Variants in ALS2 observed in about 807,000 individuals in gnomAD.
ALS2 encodes alsin.
ALS2 carries 117 observed loss-of-function variants against 203.4 expected under a neutral mutation model. The observed-to-expected ratio is 0.58, with a 90% CI of 0.50 to 0.67. The LOEUF (loss-of-function observed/expected upper bound fraction) is 0.67. ALS2 is among the 30% of genes least tolerant of loss of function. The pLI is 0.00. For synonymous variants in ALS2, 718 were observed against 725.9 expected (o/e 0.99, Z 0.17); for missense variants, 1,715 against 1,989.4 (o/e 0.86, Z 2.62).
At position 201,746,687 on chromosome 2, in the gene ALS2, A is replaced by C. The variant is rs1366748450; in HGVS notation, c.1877T>G (p.Val626Gly). 1.2e-6 allele frequency: 2 copies of C among 1,613,974 alleles called. No homozygotes were observed. Among genetic ancestry groups the C allele is most frequent in the African/African-American group, 2.7e-5 (2 of 74,900 alleles). Residue 626 changes from valine (V) to glycine (G), a missense_variant, in exon 9 of 34, where the codon GTG (valine) becomes GGG (glycine). Transcript: ENST00000264276. The part of the protein sequence containing the change: ...AAGRDYSLFL[V>G]DTEDFQPGLY... ...CCCAGGCTGGAAGTCTTCTGTATCC[A>C]CTAAAAACAGGGAATAATCCCTGCC...
intron 33 of ALS2, among the ~76,000 whole-genome samples, chr2:201,702,584 A>C (rs1037415412): frequency 6.6e-6 from 1 of 152,212 alleles, no homozygotes; most frequent in Non-Finnish European, 1.5e-5. Flanking sequence ...TAACCCCATC[A>C]GTAATTTTAA....
intron 3 of ALS2, among the ~76,000 whole-genome samples, chr2:201,764,683 A>AAATG (rs966398467): frequency 8.1e-4 from 121 of 148,678 alleles, no homozygotes; most frequent in African/African-American, 3.0e-3. Context: ...ATAAATAAAT[A>AAATG]AAAGTGAATC....
chr2:201,701,255 C>T lies in ALS2; in HGVS notation c.*596G>A, dbSNP rs1481306608. On this transcript the variant is annotated 3_prime_UTR_variant, in exon 34 of 34. Coordinates refer to ENST00000264276, the MANE Select transcript of ALS2 (RefSeq NM_020919.4). ...GGGGACAGAATGTGGTAGTTTTGCA[C>T]AGAACCTCTCCCATCAAGAAACAGC... is the stretch of plus-strand genomic sequence containing the variant. 1 of 152,876 alleles carries T rather than the reference C, an allele frequency of 6.5e-6. No homozygotes were observed. Among genetic ancestry groups the T allele is most frequent in the African/African-American group, 2.4e-5 (1 of 41,454 alleles). The allele number at this position is 152,876 out of a possible 1,614,324, so 9.5% of individuals were successfully genotyped here.
chr2:201,773,720 C>T (rs1207690732), intron 1 of ALS2, among the ~76,000 whole-genome samples: 2 of 152,138 alleles, frequency 1.3e-5, no homozygotes, highest in African/African-American at 4.8e-5. Context: ...TAGATAATGT[C>T]ATTGGGTATA....
At chr2:201,742,033 T>C (rs2106045245) in intron 10 of ALS2, among the ~76,000 whole-genome samples, 179 bp from the exon 11 acceptor site, 1 of 152,300 alleles carries the variant, frequency 6.6e-6, no homozygotes, top group Non-Finnish European at 1.5e-5. Context: ...ATCCAGTCCT[T>C]TGAGGAACTT....
Position 201,707,912 on chromosome 2 carries a change from A to C in ALS2, c.4360T>G (p.Cys1454Gly). Residue 1454 changes from cysteine to glycine, a missense_variant, in exon 28 of 34, where the codon TGC (cysteine) becomes GGC (glycine). Cys to Gly is a radical substitution (Grantham distance 159). Coordinates refer to ENST00000264276, the MANE Select transcript of ALS2 (RefSeq NM_020919.4). ...GATCGGGAATCTGACTTCCCAGTGC[A>C]AAAAGACTTCCTTTCGGTTGGCAGA... ...APLPTERKSF[C>G]TGKSDSRSES... 1 of 1,613,602 alleles carries C rather than the reference A, an allele frequency of 6.2e-7. No individual in the cohort carries two copies. Among genetic ancestry groups the C allele is most frequent in the Admixed American group, 1.7e-5 (1 of 60,002 alleles).
At chr2:201,724,182 A>C in intron 21 of ALS2, 113 bp downstream of exon 21, 1 of 1,151,240 alleles carries the variant, frequency 8.7e-7, no homozygotes, top group South Asian at 1.3e-5. Context: ...TCAAACTCAA[A>C]GAAATCTTAC....
At position 201,724,449 on chromosome 2, in the gene ALS2, C is replaced by G. The variant is rs1447214585; in HGVS notation, c.3358G>C (p.Gly1120Arg). 6.2e-7 allele frequency: 1 copy of G among 1,614,008 alleles called. No homozygotes were observed. The highest frequency in any genetic ancestry group is 8.5e-7 in the Non-Finnish European group (1 of 1,179,926). Residue 1120 changes from glycine to arginine, a missense_variant, in exon 21 of 34, where the codon GGT becomes CGT. Coordinates refer to ENST00000264276, the MANE Select transcript of ALS2 (RefSeq NM_020919.4). The part of the protein sequence containing the change: ...CGQGVYSYAS[G>R]EVFEGCFQDN... ...TGAAAACAGCCCTCAAATACTTCAC[C>G]AGAAGCATAGCTGTGGTTGGAAAGA...
chr2:201,747,610 C>T (rs1185550979), intron 8 of ALS2, among the ~76,000 whole-genome samples: 2 of 152,002 alleles, frequency 1.3e-5, no homozygotes, highest in African/African-American at 4.8e-5. Context: ...GCTACCACGC[C>T]CGGCTAATTT....
At chr2:201,743,750 CAGGAGTG>C (rs1281724722) in intron 10 of ALS2, among the ~76,000 whole-genome samples, 2 of 152,196 alleles carry the variant, frequency 1.3e-5, no homozygotes, top group Non-Finnish European at 2.9e-5. Context: ...GCTGGGATTA[CAGGAGTG>C]AGCCACCAAG....
chr2:201,750,725 T>G (rs1240374201), intron 7 of ALS2, among the ~76,000 whole-genome samples: 1 of 152,220 alleles, frequency 6.6e-6, no homozygotes, highest in Non-Finnish European at 1.5e-5. Flanking sequence ...GATCAACCAC[T>G]TGGTGGCACC....
chr2:201,767,105 T>TA (rs1174248641), intron 3 of ALS2, 124 bp downstream of exon 3: 2,602 of 1,041,752 alleles, frequency 2.5e-3, no homozygotes, highest in Non-Finnish European at 2.9e-3. Context: ...TAATAAAATT[T>TA]AAAAAAAAAA....
intron 11 of ALS2, 169 bp downstream of exon 11, chr2:201,741,505 T>C: frequency 1.4e-6 from 1 of 698,866 alleles, no homozygotes; most frequent in Non-Finnish European, 2.4e-6. Flanking sequence ...TAGAGAAGAC[T>C]AAATTTTAGC....
At chr2:201,705,072 T>C (rs1689620334) in intron 31 of ALS2, 67 bp downstream of exon 31, 6 of 1,457,484 alleles carry the variant, frequency 4.1e-6, no homozygotes, top group African/African-American at 1.4e-5. Context: ...TAAGATCATA[T>C]TAATAATATC....
chr2:201,771,686 C>T (rs970668396), intron 1 of ALS2, among the ~76,000 whole-genome samples: 4 of 152,196 alleles, frequency 2.6e-5, no homozygotes, highest in African/African-American at 9.7e-5. Flanking sequence ...TCACCTCAAC[C>T]AGTCAAATAG....
At chr2:201,714,976 T>C (rs959529270) in intron 25 of ALS2, among the ~76,000 whole-genome samples, 2 of 152,168 alleles carry the variant, frequency 1.3e-5, no homozygotes, top group African/African-American at 4.8e-5. Context: ...ACTTCCGTGA[T>C]TGTGCCACAT....
chr2:201,755,819 C>T (rs1338075522), intron 5 of ALS2, among the ~76,000 whole-genome samples: 1 of 152,126 alleles, frequency 6.6e-6, no homozygotes, highest in African/African-American at 2.4e-5. Flanking sequence ...ACACACAACA[C>T]TATGTGAATA....
chr2:201,764,340 T>C (rs1693948406), intron 3 of ALS2, among the ~76,000 whole-genome samples: 1 of 151,982 alleles, frequency 6.6e-6, no homozygotes, highest in Admixed American at 6.6e-5. Flanking sequence ...ATATAAAAAA[T>C]AGTGAAACAG....
chr2:201,738,463 T>C, intron 12 of ALS2: 2 of 575,448 alleles, frequency 3.5e-6, no homozygotes, highest in Non-Finnish European at 3.1e-6. Context: ...GCCTAGTCAT[T>C]CAGTACTTTT....
Sources: gnomAD v4.1 joint callset for allele counts (sites outside exome capture counted in the v4.1 genomes callset) on GRCh38, gnomAD v4.1.1 for gene constraint, MANE v1.5 for transcripts, NCBI Gene and HGNC (gene_info 2026-07-23, HGNC 2026-07-21) for gene names.